Variants in NFIA observed in about 807,000 individuals in gnomAD.
NFIA encodes the protein nuclear factor I A, also known as nuclear factor 1 A-type.
Under a neutral mutation model 62.8 loss-of-function variants are expected in NFIA, and 8 were observed. The ratio of observed to expected loss-of-function variants is 0.13; its 90% CI spans 0.07 to 0.23. The LOEUF is 0.23. Among genes scored for constraint, NFIA ranks in the 10% least tolerant of loss-of-function variants. NFIA has a pLI of 1.00. For synonymous variants in NFIA, 235 were observed against 238.1 expected, an observed-to-expected ratio of 0.99 and a Z score of 0.12; for missense variants, 410 against 642.1, an observed-to-expected ratio of 0.64 and a Z score of 3.91.
intron 10 of NFIA, among the ~76,000 whole-genome samples, chr1:61,433,412 T>A (rs563367960): frequency 6.6e-6 from 1 of 152,330 alleles, no homozygotes; most frequent in South Asian, 2.1e-4. Flanking sequence ...ATTCCATCAC[T>A]TAGAAGCATT....
chr1:61,288,242 C>A (rs528007900), intron 3 of NFIA, among the ~76,000 whole-genome samples: 2 of 152,258 alleles, frequency 1.3e-5, no homozygotes, highest in South Asian at 4.1e-4. Context: ...AATAATAGAG[C>A]ATTTGGAATT....
At chr1:61,227,093 G>C (rs1156963392) in intron 2 of NFIA, among the ~76,000 whole-genome samples, 5 of 152,172 alleles carry the variant, frequency 3.3e-5, no homozygotes, top group African/African-American at 9.7e-5. Flanking sequence ...GCCATAAGAT[G>C]AGTCTGGAGA....
At chr1:61,439,350 C>G (rs1557440073) in intron 10 of NFIA, 1 of 152,260 alleles carries the variant, frequency 6.6e-6, no homozygotes, top group African/African-American at 2.4e-5. Context: ...CTCCTGCCCC[C>G]TCCCCCGCCT....
intron 9 of NFIA, among the ~76,000 whole-genome samples, chr1:61,417,928 G>T (rs1200291725): frequency 1.3e-5 from 2 of 152,240 alleles, no homozygotes; most frequent in South Asian, 2.1e-4. Flanking sequence ...AAAGGGCTGG[G>T]AGATTGGAGT....
chr1:61,122,407 A>G (rs780818230), intron 2 of NFIA, among the ~76,000 whole-genome samples: 8 of 152,204 alleles, frequency 5.3e-5, no homozygotes, highest in Non-Finnish European at 1.0e-4. Flanking sequence ...ACTTGCATGT[A>G]TCCCAGAGTT....
At chr1:61,077,776 T>C, upstream of NFIA, 1 of 497,398 alleles carries the variant, frequency 2.0e-6, no homozygotes, top group Non-Finnish European at 3.3e-6. Flanking sequence ...ATGTCTATTG[T>C]GATGGTTTTG....
At chr1:61,285,313 GT>G (rs1176080601) in intron 3 of NFIA, among the ~76,000 whole-genome samples, 2 of 152,124 alleles carry the variant, frequency 1.3e-5, no homozygotes, top group Non-Finnish European at 2.9e-5. Flanking sequence ...CAGGAATTGG[GT>G]ATGAGCTTTC....
chr1:61,422,888 A>G (rs745755303), intron 9 of NFIA, among the ~76,000 whole-genome samples: 4 of 152,098 alleles, frequency 2.6e-5, no homozygotes, highest in Non-Finnish European at 5.9e-5. Context: ...ACTATTGTTC[A>G]TAAAGAGAGA....
intron 2 of NFIA, among the ~76,000 whole-genome samples, chr1:61,248,384 A>G (rs2100653649): frequency 6.6e-6 from 1 of 152,344 alleles, no homozygotes; most frequent in East Asian, 1.9e-4. Context: ...GTTCCCTAAT[A>G]TTAAAACACA....
At chr1:61,149,882 A>G (rs1375389214) in intron 2 of NFIA, among the ~76,000 whole-genome samples, 3 of 152,236 alleles carry the variant, frequency 2.0e-5, no homozygotes, top group African/African-American at 7.2e-5. Flanking sequence ...CAAGGTGGCT[A>G]TAAGCCCTTC....
chr1:61,366,102 C>A (rs1018865246), intron 6 of NFIA, among the ~76,000 whole-genome samples: 1 of 152,078 alleles, frequency 6.6e-6, no homozygotes, highest in Non-Finnish European at 1.5e-5. Flanking sequence ...AAATTTAAGT[C>A]TTCTTCCTAA....
chr1:61,432,219 ATTTT>A (rs10719480), intron 10 of NFIA, among the ~76,000 whole-genome samples: 3 of 129,010 alleles, frequency 2.3e-5, no homozygotes, highest in Non-Finnish European at 1.7e-5. Flanking sequence ...ACTTTTCCCT[ATTTT>A]TTTTTTTTTT....
intron 3 of NFIA, among the ~76,000 whole-genome samples, chr1:61,306,868 A>T (rs1409062047): frequency 6.6e-6 from 1 of 152,206 alleles, no homozygotes; most frequent in Non-Finnish European, 1.5e-5. Context: ...GAAAACTCTT[A>T]TGCTGTAAGA....
chr1:61,383,913 A>G (rs573955544), intron 7 of NFIA, among the ~76,000 whole-genome samples: 1 of 152,130 alleles, frequency 6.6e-6, no homozygotes, highest in Non-Finnish European at 1.5e-5. Flanking sequence ...AGTGGTAGAT[A>G]GTTTGTCTGG....
intron 2 of NFIA, among the ~76,000 whole-genome samples, chr1:61,243,301 G>C (rs1219643610): frequency 6.6e-6 from 1 of 152,120 alleles, no homozygotes; most frequent in African/African-American, 2.4e-5. Flanking sequence ...GTGTGTAGCA[G>C]ATCCCTTCTT....
intron 10 of NFIA, among the ~76,000 whole-genome samples, chr1:61,432,342 G>C (rs1465044199): frequency 6.6e-6 from 1 of 151,554 alleles, no homozygotes; most frequent in African/African-American, 2.4e-5. Context: ...GCTGCACAAG[G>C]CTCAGCCAGA....
chr1:61,373,405 T>C (rs139642194), intron 6 of NFIA, among the ~76,000 whole-genome samples: 8 of 152,298 alleles, frequency 5.3e-5, no homozygotes, highest in African/African-American at 1.9e-4. Flanking sequence ...TTTTCCCTTA[T>C]GAAATGTTTC....
rs147956134 is a variant in NFIA at position 61,329,214 on chromosome 1, A to G, written c.626-3298A>G. ...AAGCGTGCGCCACCATGCCTAGCTA[A>G]TTTTTTTTATTTTTAGTAGAGATGG... is the stretch of plus-strand genomic sequence containing the variant. On this transcript the variant is annotated intron_variant, in intron 3 of 10. Transcript: ENST00000403491. Among the ~76,000 whole-genome samples the G allele has an allele frequency of 9.3e-3, 1,155 of 124,566 alleles. 6 individuals carry two copies. The highest frequency in any genetic ancestry group is 0.072 in the Middle Eastern group (14 of 194). 81.7% of individuals were successfully genotyped at this position (124,566 alleles called of 152,430 possible).
intron 9 of NFIA, among the ~76,000 whole-genome samples, chr1:61,407,699 G>C (rs1400737787): frequency 6.6e-6 from 1 of 152,142 alleles, no homozygotes; most frequent in East Asian, 1.9e-4. Flanking sequence ...CCTTCAAGGG[G>C]GTTGTCAAAA....
Sources: gnomAD v4.1 joint callset for allele counts (sites outside exome capture counted in the v4.1 genomes callset) on GRCh38, gnomAD v4.1.1 for gene constraint, MANE v1.5 for transcripts, NCBI Gene and HGNC (gene_info 2026-07-23, HGNC 2026-07-21) for gene names.